NALCN: variants seen among roughly 807,000 people sequenced by gnomAD.
The protein encoded by NALCN is sodium leak channel NALCN.
Under a neutral mutation model 225.3 loss-of-function variants are expected in NALCN, and 111 were observed. The ratio of observed to expected loss-of-function variants is 0.49; its 90% CI spans 0.42 to 0.58. NALCN has a LOEUF of 0.58. Ranked by LOEUF, NALCN falls within the 20% of genes least tolerant of loss-of-function variation. NALCN has a pLI of 0.00. For synonymous variants in NALCN, 764 were observed against 769.0 expected (o/e 0.99, Z 0.11); for missense variants, 1,378 against 2,202.4 (o/e 0.63, Z 7.49).
intron 6 of NALCN, among the ~76,000 whole-genome samples, chr13:101,363,857 A>C (rs1251465196): frequency 6.6e-6 from 1 of 152,172 alleles, no homozygotes; most frequent in East Asian, 1.9e-4. Context: ...AATAACCAGA[A>C]TATATAAAGA....
intron 15 of NALCN, among the ~76,000 whole-genome samples, chr13:101,166,696 TATTG>T (rs2038455137): frequency 6.6e-6 from 1 of 152,240 alleles, no homozygotes; most frequent in Non-Finnish European, 1.5e-5. Context: ...CTTTTCACTC[TATTG>T]ATTGTTTCCT....
intron 15 of NALCN, among the ~76,000 whole-genome samples, chr13:101,173,395 G>A (rs150086639): frequency 5.5e-4 from 84 of 152,174 alleles, no homozygotes; most frequent in Non-Finnish European, 9.1e-4. Flanking sequence ...GTGGGCTTTC[G>A]GTCCAAATTG....
intron 13 of NALCN, among the ~76,000 whole-genome samples, chr13:101,225,864 C>T (rs1160277721): frequency 2.0e-5 from 3 of 152,170 alleles, no homozygotes; most frequent in Non-Finnish European, 4.4e-5. Flanking sequence ...GACTAATGTG[C>T]TTACCTGGCT....
At chr13:101,197,183 T>G (rs545656644) in intron 13 of NALCN, among the ~76,000 whole-genome samples, 1 of 152,162 alleles carries the variant, frequency 6.6e-6, no homozygotes, top group Non-Finnish European at 1.5e-5. Flanking sequence ...ATTGGGGAAT[T>G]TGAGTATACG....
intron 11 of NALCN, among the ~76,000 whole-genome samples, chr13:101,255,662 C>A (rs1383531430): frequency 1.3e-5 from 2 of 152,186 alleles, no homozygotes; most frequent in African/African-American, 4.8e-5. Context: ...GATCTTCCCA[C>A]TTCTCCCTCC....
At chr13:101,105,255 G>T (rs1390609214) in intron 22 of NALCN, among the ~76,000 whole-genome samples, 1 of 152,154 alleles carries the variant, frequency 6.6e-6, no homozygotes. Context: ...ATTAAGTTTT[G>T]ACTTTCATTT....
At chr13:101,118,906 G>A (rs1040070611) in intron 18 of NALCN, among the ~76,000 whole-genome samples, 2 of 152,146 alleles carry the variant, frequency 1.3e-5, no homozygotes, top group Admixed American at 1.3e-4. Flanking sequence ...AGGTACTCAG[G>A]CCCTCCCAGC....
At chr13:101,185,218 T>G (rs535886214) in intron 14 of NALCN, among the ~76,000 whole-genome samples, 4 of 152,328 alleles carry the variant, frequency 2.6e-5, no homozygotes, top group African/African-American at 9.6e-5. Context: ...CACTTTTAAA[T>G]GAATTCTATA....
intron 7 of NALCN, among the ~76,000 whole-genome samples, chr13:101,306,292 C>G (rs141305149): frequency 1.4e-4 from 21 of 152,198 alleles, no homozygotes; most frequent in African/African-American, 4.8e-4. Flanking sequence ...GTATCTATCA[C>G]GCATTGCTAG....
chr13:101,350,775 G>T (rs9557621), intron 6 of NALCN, among the ~76,000 whole-genome samples: 8 of 151,962 alleles, frequency 5.3e-5, no homozygotes, highest in South Asian at 2.1e-4. Context: ...TAATGTGAGT[G>T]GGACTCATCT....
intron 37 of NALCN, 89 bp downstream of exon 37, chr13:101,073,495 G>T: frequency 9.2e-7 from 1 of 1,085,556 alleles, no homozygotes; most frequent in Non-Finnish European, 1.4e-6. Flanking sequence ...AAGTCTTAAC[G>T]CTAACAAGGA....
chr13:101,177,310 A>G (rs910715071), intron 14 of NALCN, among the ~76,000 whole-genome samples: 3 of 151,974 alleles, frequency 2.0e-5, no homozygotes, highest in African/African-American at 4.8e-5. Flanking sequence ...ATTTCCTGGT[A>G]GGCTTCTAAT....
At chr13:101,135,599 G>T (rs1277357996) in intron 17 of NALCN, among the ~76,000 whole-genome samples, 2 of 152,068 alleles carry the variant, frequency 1.3e-5, no homozygotes, top group African/African-American at 4.8e-5. Context: ...TCACCATGTT[G>T]CCCAGGATGG....
At chr13:101,274,710 C>T (rs550819573) in intron 10 of NALCN, among the ~76,000 whole-genome samples, 2 of 152,262 alleles carry the variant, frequency 1.3e-5, no homozygotes, top group African/African-American at 4.8e-5. Flanking sequence ...TTTATAGTAA[C>T]TACGTGGTGT....
chr13:101,158,467 G>T (rs1446248670), intron 15 of NALCN, among the ~76,000 whole-genome samples: 1 of 152,232 alleles, frequency 6.6e-6, no homozygotes, highest in Non-Finnish European at 1.5e-5. Context: ...GAAGGAGAAA[G>T]GGGTGGGGTT....
At chr13:101,058,597 G>A (rs1685641675) in intron 42 of NALCN, 1 of 152,346 alleles carries the variant, frequency 6.6e-6, no homozygotes, top group South Asian at 2.1e-4. Context: ...CTGTTCTCAG[G>A]TTCACCTGTC....
chr13:101,259,797 G>A (rs1394582995), intron 10 of NALCN, among the ~76,000 whole-genome samples: 6 of 147,060 alleles, frequency 4.1e-5, no homozygotes, highest in Non-Finnish European at 7.5e-5. Context: ...TATTTATGGA[G>A]TACACAAGAT....
intron 17 of NALCN, among the ~76,000 whole-genome samples, chr13:101,134,460 T>C (rs1377247926): frequency 6.6e-6 from 1 of 152,246 alleles, no homozygotes; most frequent in Non-Finnish European, 1.5e-5. Flanking sequence ...GTTTATTACA[T>C]TTTCTTTCAT....
At position 101,103,344 on chromosome 13, in the gene NALCN, A is replaced by AG. The variant is rs776021721; in HGVS notation, c.2890-6dup. 2 of 1,602,106 alleles carry AG rather than the reference A, an allele frequency of 1.2e-6. No individual in the cohort carries two copies. The highest frequency in any genetic ancestry group is 1.8e-5 in the Admixed American group (1 of 56,986). On this transcript the variant is annotated splice_region_variant and splice_polypyrimidine_tract_variant and intron_variant, in intron 25 of 43. Coordinates refer to ENST00000251127, the MANE Select transcript of NALCN (RefSeq NM_052867.4). Reference sequence around the variant, plus strand: ...ACAAAGAAATATCAAGCTCACCTAAAGGGGAACAAATGATCTCTGGAATTT... The same window carrying AG: ...ACAAAGAAATATCAAGCTCACCTAAAGGGGGAACAAATGATCTCTGGAATTT...
Sources: gnomAD v4.1 joint callset for allele counts (sites outside exome capture counted in the v4.1 genomes callset) on GRCh38, gnomAD v4.1.1 for gene constraint, MANE v1.5 for transcripts, NCBI Gene and HGNC (gene_info 2026-07-23, HGNC 2026-07-21) for gene names.